Variants in SLC9D1 observed in about 807,000 individuals in gnomAD.
The protein encoded by SLC9D1 is putative LAG1-interacting protein.
the SLC9D1 span, among the ~76,000 whole-genome samples, chr13:113,498,983 C>A: frequency 6.6e-6 from 1 of 152,142 alleles, no homozygotes. Context: ...GCGAGCAGCC[C>A]TGTGGGTTAT....
At chr13:113,506,042 G>A in the SLC9D1 span, 1 of 161,336 alleles carries the variant, frequency 6.2e-6, no homozygotes, top group Non-Finnish European at 1.4e-5. Context: ...TAAGCTCCAT[G>A]ATTAAAGAGA....
chr13:113,511,825 T>C, the SLC9D1 span: 2 of 152,322 alleles, frequency 1.3e-5, no homozygotes, highest in Non-Finnish European at 2.9e-5. Context: ...GCTGACGGAC[T>C]CAGCAGTCAC....
the SLC9D1 span, among the ~76,000 whole-genome samples, chr13:113,500,337 G>C: frequency 6.6e-6 from 1 of 152,194 alleles, no homozygotes; most frequent in Non-Finnish European, 1.5e-5. Flanking sequence ...AAAGGAATAA[G>C]ATACTTTAAT....
chr13:113,502,505 G>T, the SLC9D1 span, among the ~76,000 whole-genome samples: 3 of 152,122 alleles, frequency 2.0e-5, no homozygotes, highest in Non-Finnish European at 4.4e-5. Flanking sequence ...GAGCCACCCT[G>T]CCTGGCCCAT....
chr13:113,528,844 T>C, the SLC9D1 span: 1 of 152,258 alleles, frequency 6.6e-6, no homozygotes, highest in South Asian at 2.1e-4. Flanking sequence ...TCAGTTCTTA[T>C]TCCTTCTGGC....
At chr13:113,514,410 C>T in the SLC9D1 span, 1 of 152,196 alleles carries the variant, frequency 6.6e-6, no homozygotes, top group Non-Finnish European at 1.5e-5. Context: ...GGAGAAGAAA[C>T]CTAAATGATG....
At chr13:113,518,748 G>A in the SLC9D1 span, among the ~76,000 whole-genome samples, 2 of 152,290 alleles carry the variant, frequency 1.3e-5, no homozygotes, top group East Asian at 3.9e-4. Context: ...ATATTAGTTG[G>A]GAGGCAATTT....
the SLC9D1 span, among the ~76,000 whole-genome samples, chr13:113,502,306 C>T: frequency 5.3e-5 from 8 of 152,138 alleles, no homozygotes; most frequent in Admixed American, 1.3e-4. Flanking sequence ...CTCCGCCTCC[C>T]GGGTTCACAT....
the SLC9D1 span, among the ~76,000 whole-genome samples, chr13:113,518,004 G>C: frequency 6.6e-6 from 1 of 152,196 alleles, no homozygotes; most frequent in South Asian, 2.1e-4. Context: ...GTGGGTATGT[G>C]AGCATTTGAT....
At chr13:113,494,656 A>ATG in the SLC9D1 span, among the ~76,000 whole-genome samples, 2 of 72,814 alleles carry the variant, frequency 2.7e-5, no homozygotes, top group African/African-American at 1.7e-4. Flanking sequence ...GTATTGTGGC[A>ATG]TATATATATA....
At chr13:113,526,041 C>T in the SLC9D1 span, among the ~76,000 whole-genome samples, 38 of 150,680 alleles carry the variant, frequency 2.5e-4, no homozygotes, top group East Asian at 7.3e-3. Context: ...AGCTATGTGC[C>T]GGTTATTCTA....
chr13:113,538,841 G>A, the SLC9D1 span, among the ~76,000 whole-genome samples: 1 of 152,210 alleles, frequency 6.6e-6, no homozygotes, highest in Non-Finnish European at 1.5e-5. Flanking sequence ...CTCCCGTGTC[G>A]CGGCCGTCCG....
At chr13:113,499,298 G>T in the SLC9D1 span, among the ~76,000 whole-genome samples, 1 of 152,152 alleles carries the variant, frequency 6.6e-6, no homozygotes, top group Non-Finnish European at 1.5e-5. Flanking sequence ...TTGTCAGCGG[G>T]GTCTTTGTGG....
chr13:113,518,724 C>A, the SLC9D1 span, among the ~76,000 whole-genome samples: 19 of 152,250 alleles, frequency 1.2e-4, no homozygotes, highest in East Asian at 3.5e-3. Flanking sequence ...ATCTGTGAAG[C>A]CTCCGCATGG....
At chr13:113,499,896 C>G in the SLC9D1 span, 3 of 1,048,490 alleles carry the variant, frequency 2.9e-6, no homozygotes, top group Admixed American at 9.3e-5. Flanking sequence ...GTTTAGCGTT[C>G]ATTCTCCAAA....
chr13:113,527,881 TTCTG>T, the SLC9D1 span: 1 of 152,222 alleles, frequency 6.6e-6, no homozygotes, highest in Non-Finnish European at 1.5e-5. Flanking sequence ...GGCAGATGAA[TTCTG>T]TCTGTCCTCG....
the SLC9D1 span, among the ~76,000 whole-genome samples, chr13:113,531,933 C>T: frequency 6.6e-6 from 1 of 152,176 alleles, no homozygotes; most frequent in Non-Finnish European, 1.5e-5. Context: ...CTTGTGTAGC[C>T]GTTAGGGGCT....
the SLC9D1 span, among the ~76,000 whole-genome samples, chr13:113,509,064 TGGTGGGCTTGGCGGGTGGGTCCCCTG>T: frequency 0.044 from 5,975 of 134,392 alleles, 89 homozygotes; most frequent in African/African-American, 0.079. Flanking sequence ...ATGTTGGGGC[TGGTGGGCTTGGCGGGTGGGTCCCCTG>T]ACACTGCCTG....
At chr13:113,520,868 C>T in the SLC9D1 span, 3 of 677,940 alleles carry the variant, frequency 4.4e-6, no homozygotes, top group Non-Finnish European at 7.7e-6. Context: ...CCTGGAGCAA[C>T]ACTGCCTTGC....
Sources: allele counts gnomAD v4.1 joint callset (sites outside exome capture counted in the v4.1 genomes callset), GRCh38; gene constraint gnomAD v4.1.1; transcripts MANE v1.5; gene names NCBI Gene and HGNC (gene_info 2026-07-23, HGNC 2026-07-21).